Variants in WWOX observed in about 807,000 individuals in gnomAD.
The protein encoded by WWOX is WW domain-containing oxidoreductase.
Under a neutral mutation model 46.2 loss-of-function variants are expected in WWOX, and 69 were observed. The observed-to-expected ratio is 1.49, with a 90% CI of 1.23 to 1.82. WWOX has a LOEUF of 1.82. Ranked by LOEUF, WWOX falls within the 40% of genes most tolerant of loss-of-function variation. The pLI, the probability that WWOX is intolerant of heterozygous loss-of-function variation, is 0.00. For synonymous variants in WWOX, 359 were observed against 202.6 expected, an observed-to-expected ratio of 1.77 and a Z score of -6.56; for missense variants, 919 against 542.6, an observed-to-expected ratio of 1.69 and a Z score of -6.89.
chr16:78,416,280 G>T (rs8058017), intron 6 of WWOX, among the ~76,000 whole-genome samples: 3 of 152,076 alleles, frequency 2.0e-5, no homozygotes, highest in African/African-American at 7.2e-5. Flanking sequence ...AAAACTGAGC[G>T]CAATGTGCCA....
chr16:78,668,303 C>G (rs910729775), intron 8 of WWOX, among the ~76,000 whole-genome samples: 5 of 152,040 alleles, frequency 3.3e-5, no homozygotes, highest in Non-Finnish European at 7.4e-5. Context: ...AAAAAACATA[C>G]AACTTAACTC....
chr16:78,591,913 A>G (rs1287056903), intron 8 of WWOX, among the ~76,000 whole-genome samples: 1 of 152,026 alleles, frequency 6.6e-6, no homozygotes, highest in Non-Finnish European at 1.5e-5. Context: ...ACCACTGACC[A>G]CTCTCTGTAC....
intron 8 of WWOX, among the ~76,000 whole-genome samples, chr16:79,087,030 C>T (rs1018105144): frequency 6.6e-6 from 1 of 152,180 alleles, no homozygotes. Flanking sequence ...CTGGGGGTCC[C>T]CATCTGCTCC....
chr16:79,199,992 A>G (rs1194710823), intron 8 of WWOX, among the ~76,000 whole-genome samples: 1 of 152,168 alleles, frequency 6.6e-6, no homozygotes, highest in East Asian at 1.9e-4. Flanking sequence ...TTCCAATTGC[A>G]ACTGGCTTGT....
chr16:78,722,212 C>T (rs2048709572), intron 8 of WWOX, among the ~76,000 whole-genome samples: 1 of 152,188 alleles, frequency 6.6e-6, no homozygotes, highest in Admixed American at 6.5e-5. Context: ...ACCGCAGCTC[C>T]TGTAGTAGTT....
intron 5 of WWOX, among the ~76,000 whole-genome samples, chr16:78,292,308 A>G (rs1218692703): frequency 6.6e-6 from 1 of 152,168 alleles, no homozygotes; most frequent in East Asian, 1.9e-4. Flanking sequence ...GAAAGATTGA[A>G]TACGTCAAAG....
intron 8 of WWOX, among the ~76,000 whole-genome samples, chr16:78,948,051 A>G (rs1746428314): frequency 6.6e-6 from 1 of 152,210 alleles, no homozygotes; most frequent in African/African-American, 2.4e-5. Context: ...TGGAGAGGAA[A>G]GAAGGCAGCC....
At chr16:78,998,681 ATGCATGAAGGACTCT>A (rs2047036638) in intron 8 of WWOX, among the ~76,000 whole-genome samples, 1 of 152,250 alleles carries the variant, frequency 6.6e-6, no homozygotes, top group African/African-American at 2.4e-5. Flanking sequence ...AGTGCTCAGC[ATGCATGAAGGACTCT>A]TTCATTATCG....
chr16:78,333,445 G>C (rs986587734), intron 5 of WWOX, among the ~76,000 whole-genome samples: 6 of 152,102 alleles, frequency 3.9e-5, no homozygotes, highest in Non-Finnish European at 8.8e-5. Context: ...GGTATTTAGT[G>C]AGTGTAATCT....
At chr16:79,178,634 A>G (rs939357986) in intron 8 of WWOX, among the ~76,000 whole-genome samples, 6 of 152,140 alleles carry the variant, frequency 3.9e-5, no homozygotes, top group Admixed American at 3.9e-4. Flanking sequence ...TGTTTTACAT[A>G]TTAAAAATTT....
chr16:78,648,732 C>G (rs1315442786), intron 8 of WWOX, among the ~76,000 whole-genome samples: 1 of 152,196 alleles, frequency 6.6e-6, no homozygotes. Flanking sequence ...AAGTCATCCA[C>G]TTTCTTTTTT....
intron 8 of WWOX, among the ~76,000 whole-genome samples, chr16:78,838,910 G>A (rs56032748): frequency 6.6e-6 from 1 of 152,092 alleles, no homozygotes; most frequent in African/African-American, 2.4e-5. Flanking sequence ...GGAGAGGAGT[G>A]GGGGGTGAGT....
chr16:78,963,440 C>T (rs2046308855), intron 8 of WWOX, among the ~76,000 whole-genome samples: 1 of 152,158 alleles, frequency 6.6e-6, no homozygotes, highest in African/African-American at 2.4e-5. Flanking sequence ...CTGCACTCAA[C>T]TTGGGCGACA....
At chr16:78,790,969 A>G (rs1320442282) in intron 8 of WWOX, among the ~76,000 whole-genome samples, 1 of 145,622 alleles carries the variant, frequency 6.9e-6, no homozygotes, top group African/African-American at 2.6e-5. Flanking sequence ...CAGTGAGCCA[A>G]GATTACACCA....
At chr16:78,882,504 TCTCA>T (rs1172587869) in intron 8 of WWOX, among the ~76,000 whole-genome samples, 1 of 149,846 alleles carries the variant, frequency 6.7e-6, no homozygotes, top group Non-Finnish European at 1.5e-5. Flanking sequence ...TGAGATGGGG[TCTCA>T]CTCTGTCACC....
rs2048786794 is a variant in WWOX, at chr16:79,082,892, A to T, written c.1057-128716A>T. On this transcript the variant is annotated intron_variant, in intron 8 of 8. Coordinates refer to ENST00000566780, the MANE Select transcript of WWOX (RefSeq NM_016373.4). Reference sequence around the variant, plus strand: ...TGTGTAATCCGTGGCAGATGTGCATAATAAGTTCAGGAGGGGCTCGGTTTT... The same window carrying T: ...TGTGTAATCCGTGGCAGATGTGCATTATAAGTTCAGGAGGGGCTCGGTTTT... 2.6e-5 allele frequency among the ~76,000 whole-genome samples: 4 copies of T among 152,166 alleles called. No individual in the cohort carries two copies. The South Asian group carries it at 8.3e-4, about 31-fold the overall frequency.
chr16:78,120,639 A>G (rs942851039), intron 4 of WWOX, among the ~76,000 whole-genome samples: 1 of 152,110 alleles, frequency 6.6e-6, no homozygotes, highest in Non-Finnish European at 1.5e-5. Context: ...GTGATGTTGA[A>G]ATTGATTGTC....
intron 8 of WWOX, among the ~76,000 whole-genome samples, chr16:78,930,261 T>TCCGA (rs2045592792): frequency 8.6e-5 from 11 of 127,508 alleles, no homozygotes; most frequent in Admixed American, 2.2e-4. Context: ...CTTCCTTCCT[T>TCCGA]CCTTCCTTTC....
chr16:78,250,686 C>T (rs954985328), intron 5 of WWOX, among the ~76,000 whole-genome samples: 7 of 152,082 alleles, frequency 4.6e-5, no homozygotes, highest in South Asian at 2.1e-4. Flanking sequence ...CCAGTGATGG[C>T]GGGCTGGATA....
Sources: gnomAD v4.1 joint callset for allele counts (sites outside exome capture counted in the v4.1 genomes callset) on GRCh38, gnomAD v4.1.1 for gene constraint, MANE v1.5 for transcripts, NCBI Gene and HGNC (gene_info 2026-07-23, HGNC 2026-07-21) for gene names.